AHCYL2: variants seen among roughly 807,000 people sequenced by gnomAD.
AHCYL2 encodes S-adenosylhomocysteine hydrolase-like protein 2.
In AHCYL2, 28 loss-of-function variants were observed where a neutral mutation model predicts 81.4. The observed-to-expected ratio is 0.34, with a 90% CI of 0.25 to 0.47. AHCYL2 has a LOEUF of 0.47. Ranked by LOEUF, AHCYL2 falls within the 20% of genes least tolerant of loss-of-function variation. The probability of loss-of-function intolerance (pLI) is 1.00; values close to 1 mark genes in which losing one functional copy is unlikely to be tolerated. For synonymous variants in AHCYL2, 272 were observed against 290.2 expected, an observed-to-expected ratio of 0.94 and a Z score of 0.64; for missense variants, 551 against 785.1, an observed-to-expected ratio of 0.70 and a Z score of 3.56.
intron 6 of AHCYL2, among the ~76,000 whole-genome samples, chr7:129,403,142 T>A (rs1466115095): frequency 6.6e-6 from 1 of 151,798 alleles, no homozygotes; most frequent in African/African-American, 2.4e-5. Context: ...ACGGGGAGGG[T>A]CGTTTGGCTG....
intron 2 of AHCYL2, among the ~76,000 whole-genome samples, chr7:129,382,473 G>A (rs182701977): frequency 7.9e-5 from 12 of 152,292 alleles, no homozygotes; most frequent in Admixed American, 7.8e-4. Context: ...CGTGGCGCAT[G>A]CCTGTAATCC....
At chr7:129,239,602 T>C (rs753824876) in intron 1 of AHCYL2, among the ~76,000 whole-genome samples, 1 of 152,018 alleles carries the variant, frequency 6.6e-6, no homozygotes. Context: ...CCCAAGCCAC[T>C]GTGCCCAGCT....
chr7:129,382,997 C>T (rs1253700693), intron 2 of AHCYL2, among the ~76,000 whole-genome samples: 1 of 152,156 alleles, frequency 6.6e-6, no homozygotes, highest in Admixed American at 6.5e-5. Flanking sequence ...TCAGTTTATA[C>T]TTTCTCCCTA....
intron 1 of AHCYL2, among the ~76,000 whole-genome samples, chr7:129,329,969 C>A (rs998912793): frequency 6.6e-6 from 1 of 152,066 alleles, no homozygotes; most frequent in Non-Finnish European, 1.5e-5. Flanking sequence ...ATGTTTGGAA[C>A]CTTGGGAATA....
intron 4 of AHCYL2, among the ~76,000 whole-genome samples, chr7:129,394,909 A>G (rs572436583): frequency 1.6e-4 from 24 of 152,274 alleles, no homozygotes; most frequent in African/African-American, 5.8e-4. Context: ...TAACATAAAC[A>G]TATTAATCAT....
At chr7:129,317,399 A>C (rs934404035) in intron 1 of AHCYL2, among the ~76,000 whole-genome samples, 1 of 152,188 alleles carries the variant, frequency 6.6e-6, no homozygotes, top group Admixed American at 6.5e-5. Context: ...AACCACAAAC[A>C]ATCAATTGGG....
At chr7:129,271,644 TG>T (rs1488529575) in intron 1 of AHCYL2, among the ~76,000 whole-genome samples, 1 of 152,168 alleles carries the variant, frequency 6.6e-6, no homozygotes, top group African/African-American at 2.4e-5. Flanking sequence ...ATTGGATTTT[TG>T]TCCTGGGTGA....
rs572747856 is a variant in AHCYL2 at position 129,309,205 on chromosome 7, C to G, written c.364-70433C>G. On this transcript the variant is annotated intron_variant, in intron 1 of 16. Coordinates refer to ENST00000325006, the MANE Select transcript of AHCYL2 (RefSeq NM_015328.4). ...TGAGATCATGCCACTGCACTCTAGC[C>G]TGGGCGACAGAGCAAGACTTCGTCT... 2.0e-5 allele frequency among the ~76,000 whole-genome samples: 3 copies of G among 152,032 alleles called. No homozygotes were observed. In the South Asian group the frequency reaches 6.2e-4, roughly 32 times the overall value.
intron 1 of AHCYL2, among the ~76,000 whole-genome samples, chr7:129,336,365 G>A (rs1798606061): frequency 6.6e-6 from 1 of 151,996 alleles, no homozygotes; most frequent in Non-Finnish European, 1.5e-5. Context: ...ACCCCACCCA[G>A]CCTGAAGTTT....
intron 1 of AHCYL2, among the ~76,000 whole-genome samples, chr7:129,236,414 T>C (rs1005671764): frequency 6.6e-6 from 1 of 152,060 alleles, no homozygotes; most frequent in Admixed American, 6.6e-5. Context: ...TTGCCCAGGA[T>C]GGTCTTGAAC....
intron 1 of AHCYL2, among the ~76,000 whole-genome samples, chr7:129,370,951 T>C (rs17627941): frequency 0.065 from 9,887 of 152,272 alleles, 495 homozygotes; most frequent in Non-Finnish European, 0.095. Flanking sequence ...ACGTAAGTCA[T>C]TGACTCCTGA....
chr7:129,271,307 G>C (rs1030453597), intron 1 of AHCYL2, among the ~76,000 whole-genome samples: 1 of 146,392 alleles, frequency 6.8e-6, no homozygotes, highest in Non-Finnish European at 1.5e-5. Flanking sequence ...CTTGCAGTGA[G>C]CCGAGATGGT....
At chr7:129,392,696 A>G (rs1795527550) in intron 4 of AHCYL2, among the ~76,000 whole-genome samples, 1 of 152,250 alleles carries the variant, frequency 6.6e-6, no homozygotes, top group Admixed American at 6.5e-5. Context: ...GAAAATTAAC[A>G]TTGATTCATT....
rs548688447 is a variant in AHCYL2 at position 129,356,587 on chromosome 7, G to A, written c.364-23051G>A. ...GAAGTATTAGAACATAGGCATCTTTGATGAGGGGCATTATTTTGTCTACCA... is the reference window on the plus strand; with the variant it reads ...GAAGTATTAGAACATAGGCATCTTTAATGAGGGGCATTATTTTGTCTACCA... On this transcript the variant is annotated intron_variant, in intron 1 of 16. Coordinates refer to ENST00000325006, the MANE Select transcript of AHCYL2 (RefSeq NM_015328.4). 3.3e-5 allele frequency among the ~76,000 whole-genome samples: 5 copies of A among 152,272 alleles called. No individual in the cohort carries two copies. The South Asian group carries it at 1.0e-3, about 32-fold the overall frequency.
At chr7:129,227,190 G>A (rs1225525863) in intron 1 of AHCYL2, among the ~76,000 whole-genome samples, 1 of 152,002 alleles carries the variant, frequency 6.6e-6, no homozygotes, top group East Asian at 1.9e-4. Context: ...ATTGAGCTTG[G>A]CACATAAAGT....
intron 1 of AHCYL2, among the ~76,000 whole-genome samples, chr7:129,237,762 G>A (rs561492267): frequency 6.6e-6 from 1 of 152,138 alleles, no homozygotes; most frequent in East Asian, 1.9e-4. Context: ...GAGTCTTGCT[G>A]TGTCGCCCAG....
intron 1 of AHCYL2, among the ~76,000 whole-genome samples, chr7:129,282,879 T>C (rs1584741025): frequency 6.6e-6 from 1 of 152,070 alleles, no homozygotes; most frequent in African/African-American, 2.4e-5. Context: ...AAAAAAATAT[T>C]TGTTAGGTGG....
At chr7:129,301,554 G>T (rs1288835541) in intron 1 of AHCYL2, among the ~76,000 whole-genome samples, 5 of 152,124 alleles carry the variant, frequency 3.3e-5, no homozygotes, top group Middle Eastern at 3.4e-3. Flanking sequence ...GAGAGATAGA[G>T]GTCTAGTTTT....
chr7:129,409,509 G>A lies in AHCYL2; in HGVS notation c.1329G>A (p.Glu443=). ...MDGFRLVKLN[E]VIRQVDIVIT... ...GATTTCGACTGGTGAAATTAAATGAGGTCATCCGACAAGTGGACATTGTTA... is the reference window on the plus strand; with the variant it reads ...GATTTCGACTGGTGAAATTAAATGAAGTCATCCGACAAGTGGACATTGTTA... Residue 443 remains glutamate (E), a synonymous_variant, in exon 11 of 17, where the codon GAG becomes GAA. Coordinates refer to ENST00000325006, the MANE Select transcript of AHCYL2 (RefSeq NM_015328.4). 1 of 1,613,780 alleles carries A rather than the reference G, an allele frequency of 6.2e-7. No homozygotes were observed. Among genetic ancestry groups the A allele is most frequent in the Non-Finnish European group, 8.5e-7 (1 of 1,179,838 alleles).
Sources: allele counts gnomAD v4.1 joint callset (sites outside exome capture counted in the v4.1 genomes callset), GRCh38; gene constraint gnomAD v4.1.1; transcripts MANE v1.5; gene names NCBI Gene and HGNC (gene_info 2026-07-23, HGNC 2026-07-21).